Variants in RNGTT observed in about 807,000 individuals in gnomAD.
RNGTT encodes mRNA-capping enzyme.
RNGTT carries 33 observed loss-of-function variants against 79.3 expected under a neutral mutation model. The observed-to-expected ratio is 0.42, with a 90% CI of 0.32 to 0.56. The LOEUF (loss-of-function observed/expected upper bound fraction) is 0.56. RNGTT is among the 20% of genes least tolerant of loss of function. The pLI, the probability that RNGTT is intolerant of heterozygous loss-of-function variation, is 0.17. For synonymous variants in RNGTT, 222 were observed against 235.9 expected (o/e 0.94, Z 0.54); for missense variants, 497 against 739.1 (o/e 0.67, Z 3.80).
At chr6:88,924,639 C>A (rs565709626) in intron 4 of RNGTT, among the ~76,000 whole-genome samples, 3 of 151,836 alleles carry the variant, frequency 2.0e-5, no homozygotes, top group South Asian at 2.1e-4. Flanking sequence ...ATTTGTCCAA[C>A]ATCTTTTTGC....
Position 88,614,409 on chromosome 6 carries a change from G to C in RNGTT, c.1507-14C>G. 2 of 1,611,012 alleles carry C rather than the reference G, an allele frequency of 1.2e-6. No homozygotes were observed. Among genetic ancestry groups the C allele is most frequent in the South Asian group, 1.1e-5 (1 of 90,822 alleles). Reference sequence around the variant, plus strand: ...CTCTTTTGTCACCTGTTTTGAAAGAGAATTGAGGAAAATATTTAAATAACT... The same window carrying C: ...CTCTTTTGTCACCTGTTTTGAAAGACAATTGAGGAAAATATTTAAATAACT... On this transcript the variant is annotated splice_polypyrimidine_tract_variant and intron_variant, in intron 14 of 15. Coordinates refer to ENST00000369485, the MANE Select transcript of RNGTT (RefSeq NM_003800.5).
chr6:88,732,410 G>A (rs975323462), intron 13 of RNGTT, among the ~76,000 whole-genome samples: 4 of 152,188 alleles, frequency 2.6e-5, no homozygotes, highest in Non-Finnish European at 5.9e-5. Context: ...CTGCTGCTGG[G>A]AATGTACAAT....
chr6:88,890,049 C>T lies in RNGTT; in HGVS notation c.896+446G>A, dbSNP rs147095166. Among the ~76,000 whole-genome samples, 11 of 152,226 alleles carry T rather than the reference C, an allele frequency of 7.2e-5. No homozygotes were observed. In the East Asian group the frequency reaches 1.9e-3, roughly 27 times the overall value. On this transcript the variant is annotated intron_variant, in intron 8 of 15. Transcript: ENST00000369485. ...AGCTTTGTTGTAATAATGCAACAACCTTGCGAGTATATAAAGAGAATAAGG... is the reference window on the plus strand; with the variant it reads ...AGCTTTGTTGTAATAATGCAACAACTTTGCGAGTATATAAAGAGAATAAGG...
intron 13 of RNGTT, among the ~76,000 whole-genome samples, chr6:88,721,445 C>CAAATTCATCCT (rs1554209737): frequency 6.6e-6 from 1 of 151,766 alleles, no homozygotes; most frequent in African/African-American, 2.4e-5. Flanking sequence ...CCAAATTCAT[C>CAAATTCATCCT]CTCTTTTTTT....
intron 13 of RNGTT, among the ~76,000 whole-genome samples, chr6:88,722,782 T>C (rs1776748959): frequency 1.3e-5 from 2 of 152,174 alleles, no homozygotes; most frequent in Non-Finnish European, 2.9e-5. Context: ...AACAACGATA[T>C]ACGGTTATCA....
At chr6:88,863,657 G>T (rs1363731652) in intron 8 of RNGTT, among the ~76,000 whole-genome samples, 1 of 152,178 alleles carries the variant, frequency 6.6e-6, no homozygotes, top group African/African-American at 2.4e-5. Flanking sequence ...CACTATGACA[G>T]AGTTTGGCAG....
At chr6:88,733,076 T>C (rs1238180439) in intron 13 of RNGTT, among the ~76,000 whole-genome samples, 1 of 152,098 alleles carries the variant, frequency 6.6e-6, no homozygotes, top group East Asian at 1.9e-4. Flanking sequence ...AAACAGAACT[T>C]GGCAGGGTGC....
intron 13 of RNGTT, among the ~76,000 whole-genome samples, chr6:88,686,291 A>C (rs1233149672): frequency 6.6e-6 from 1 of 152,004 alleles, no homozygotes; most frequent in Non-Finnish European, 1.5e-5. Context: ...AACCTAAGTA[A>C]ATGAAAGAAT....
In RNGTT at chr6:88,729,771, G is replaced by A. The variant is rs148147427; in HGVS notation, c.1439+40003C>T. ...TTATACCGTCATCCCAAACAACACC[G>A]CCCCTGATGGAAGTATAACAAAGGC... is the stretch of plus-strand genomic sequence containing the variant. On this transcript the variant is annotated intron_variant, in intron 13 of 15. Transcript: ENST00000369485. Among the ~76,000 whole-genome samples, 43 of 152,256 alleles carry A rather than the reference G, an allele frequency of 2.8e-4. No homozygotes were observed. In the East Asian group the frequency reaches 6.2e-3, roughly 22 times the overall value.
At chr6:88,656,509 G>A (rs1256529194) in intron 14 of RNGTT, among the ~76,000 whole-genome samples, 1 of 152,026 alleles carries the variant, frequency 6.6e-6, no homozygotes, top group Non-Finnish European at 1.5e-5. Flanking sequence ...TTGGTTAATA[G>A]AAAACTTGAG....
chr6:88,658,553 A>T (rs1774066822), intron 14 of RNGTT, among the ~76,000 whole-genome samples: 1 of 152,218 alleles, frequency 6.6e-6, no homozygotes, highest in South Asian at 2.1e-4. Context: ...TGATGGTGTG[A>T]TGGTTAATAT....
At chr6:88,630,618 AT>A (rs1772825193) in intron 14 of RNGTT, among the ~76,000 whole-genome samples, 1 of 152,146 alleles carries the variant, frequency 6.6e-6, no homozygotes, top group African/African-American at 2.4e-5. Context: ...ATTAATCCTG[AT>A]ATATGAGCTC....
At chr6:88,767,628 T>G (rs564402129) in intron 13 of RNGTT, among the ~76,000 whole-genome samples, 2 of 150,892 alleles carry the variant, frequency 1.3e-5, no homozygotes, top group Non-Finnish European at 3.0e-5. Context: ...TAACAAAATT[T>G]TACTTCATCT....
intron 13 of RNGTT, among the ~76,000 whole-genome samples, chr6:88,748,709 C>T (rs2127829144): frequency 6.6e-6 from 1 of 151,772 alleles, no homozygotes; most frequent in African/African-American, 2.4e-5. Flanking sequence ...ACTGCAAATA[C>T]AGAAAATATT....
chr6:88,838,663 T>C (rs1032291873), intron 11 of RNGTT, among the ~76,000 whole-genome samples: 5 of 152,266 alleles, frequency 3.3e-5, no homozygotes, highest in Non-Finnish European at 5.9e-5. Flanking sequence ...AAACTTGGCA[T>C]TGTTATGATG....
intron 11 of RNGTT, among the ~76,000 whole-genome samples, chr6:88,842,575 G>A (rs1336539449): frequency 6.6e-6 from 1 of 152,252 alleles, no homozygotes. Context: ...AGAAGAAACT[G>A]GATGCTAAAT....
At chr6:88,853,284 G>C (rs1781730460) in intron 9 of RNGTT, among the ~76,000 whole-genome samples, 1 of 152,118 alleles carries the variant, frequency 6.6e-6, no homozygotes, top group Admixed American at 6.5e-5. Flanking sequence ...GAGGCGGGTG[G>C]ATCACGAGGT....
At position 88,610,034 on chromosome 6, in the gene RNGTT, A is replaced by T. The variant is rs1439577688; in HGVS notation, c.*2685T>A. On this transcript the variant is annotated 3_prime_UTR_variant, in exon 16 of 16. Coordinates refer to ENST00000369485, the MANE Select transcript of RNGTT (RefSeq NM_003800.5). Reference sequence around the variant, plus strand: ...GAAATAATATAAACATCATATAAAGATGTGCTTTCTCCCATTCCTCTCCAC... The same window carrying T: ...GAAATAATATAAACATCATATAAAGTTGTGCTTTCTCCCATTCCTCTCCAC... Among the ~76,000 whole-genome samples, 1 of 152,228 alleles carries T rather than the reference A, an allele frequency of 6.6e-6. No homozygotes were observed. The highest frequency in any genetic ancestry group is 2.4e-5 in the African/African-American group (1 of 41,450).
intron 13 of RNGTT, among the ~76,000 whole-genome samples, chr6:88,735,832 G>A (rs925156118): frequency 1.3e-5 from 2 of 151,800 alleles, no homozygotes; most frequent in Admixed American, 1.3e-4. Flanking sequence ...AAAAATTAGG[G>A]CAGAAATCAA....
Sources: allele counts gnomAD v4.1 joint callset (sites outside exome capture counted in the v4.1 genomes callset), GRCh38; gene constraint gnomAD v4.1.1; transcripts MANE v1.5; gene names NCBI Gene and HGNC (gene_info 2026-07-23, HGNC 2026-07-21).